The following EPHB1 variants were observed in gnomAD, a reference collection of about 807,000 sequenced individuals.
EPHB1 encodes ephrin type-B receptor 1.
Under a neutral mutation model 94.4 loss-of-function variants are expected in EPHB1, and 30 were observed. The observed-to-expected ratio is 0.32, with a 90% CI of 0.24 to 0.43. EPHB1 has a LOEUF of 0.43. Among genes scored for constraint, EPHB1 ranks in the 20% least tolerant of loss-of-function variants. EPHB1 has a pLI of 1.00. For synonymous variants in EPHB1, 522 were observed against 489.1 expected, an observed-to-expected ratio of 1.07 and a Z score of -0.89; for missense variants, 1,055 against 1,308.3, an observed-to-expected ratio of 0.81 and a Z score of 2.99.
chr3:134,801,616 T>A (rs1433547168), intron 1 of EPHB1, among the ~76,000 whole-genome samples: 1 of 152,352 alleles, frequency 6.6e-6, no homozygotes, highest in South Asian at 2.1e-4. Context: ...GAGCATTCGA[T>A]GTCTGCCCTT....
At chr3:135,244,180 C>T (rs1164256538) in intron 13 of EPHB1, among the ~76,000 whole-genome samples, 1 of 152,154 alleles carries the variant, frequency 6.6e-6, no homozygotes, top group Non-Finnish European at 1.5e-5. Context: ...AACCTGTGTA[C>T]CTACCATTTC....
chr3:135,201,450 A>G lies in EPHB1; in HGVS notation c.2131-24A>G, dbSNP rs370185900. ...AACCATTGAAGCCCGTCTTGATCCC[A>G]ATGCCCTCTATGTCTTATTACAGCA... On this transcript the variant is annotated intron_variant, in intron 11 of 15. Coordinates refer to ENST00000398015, the MANE Select transcript of EPHB1 (RefSeq NM_004441.5). The G allele has an allele frequency of 6.8e-6, 11 of 1,612,670 alleles. No individual in the cohort carries two copies. The African/African-American group carries it at 1.3e-4, about 20-fold the overall frequency.
In EPHB1 at chr3:134,907,864, A is replaced by C. The variant is rs183729828; in HGVS notation, c.59-17952A>C. On this transcript the variant is annotated intron_variant, in intron 1 of 15. Coordinates refer to ENST00000398015, the MANE Select transcript of EPHB1 (RefSeq NM_004441.5). ...AATTGTCTATGTCAGTGTTTGCCCC[A>C]CATGTTCTCCCCTCTCCAGCCTGCT... 7.6e-4 allele frequency among the ~76,000 whole-genome samples: 115 copies of C among 152,282 alleles called. 1 individual carries two copies. The highest frequency in any genetic ancestry group is 2.7e-3 in the African/African-American group (111 of 41,570).
At chr3:135,184,507 G>A (rs981377740) in intron 10 of EPHB1, among the ~76,000 whole-genome samples, 1 of 152,196 alleles carries the variant, frequency 6.6e-6, no homozygotes, top group African/African-American at 2.4e-5. Context: ...GCAAGGGAAT[G>A]TATGTGTTTT....
At chr3:134,839,104 C>A (rs547963698) in intron 1 of EPHB1, among the ~76,000 whole-genome samples, 1 of 152,132 alleles carries the variant, frequency 6.6e-6, no homozygotes, top group African/African-American at 2.4e-5. Flanking sequence ...TCTCAATATA[C>A]GACACAAAAT....
At chr3:135,039,335 C>A (rs1168889136) in intron 3 of EPHB1, among the ~76,000 whole-genome samples, 1 of 152,062 alleles carries the variant, frequency 6.6e-6, no homozygotes, top group Non-Finnish European at 1.5e-5. Context: ...TCCACGTCCC[C>A]ACCAGACTCA....
rs569835679 is a variant in EPHB1 at position 134,924,522 on chromosome 3, A to G, written c.59-1294A>G. 7.2e-5 allele frequency among the ~76,000 whole-genome samples: 11 copies of G among 152,380 alleles called. No homozygotes were observed. The South Asian group carries it at 2.3e-3, about 32-fold the overall frequency. On this transcript the variant is annotated intron_variant, in intron 1 of 15. Transcript: ENST00000398015. ...ATTTGCCAGCAAGGAAATGAAAATT[A>G]GGACCATAATGATATATCACTACAC...
At chr3:134,913,495 A>G (rs1023763262) in intron 1 of EPHB1, among the ~76,000 whole-genome samples, 2 of 152,030 alleles carry the variant, frequency 1.3e-5, no homozygotes, top group South Asian at 4.2e-4. Context: ...CTTTGGGAAA[A>G]CTCAGAGGGA....
intron 15 of EPHB1, among the ~76,000 whole-genome samples, chr3:135,251,305 G>A (rs1422675618): frequency 6.6e-6 from 1 of 152,088 alleles, no homozygotes; most frequent in East Asian, 1.9e-4. Flanking sequence ...AAAAATTGAT[G>A]CCCCTAGATA....
intron 10 of EPHB1, among the ~76,000 whole-genome samples, chr3:135,186,252 G>T (rs1324904894): frequency 6.6e-6 from 1 of 152,200 alleles, no homozygotes; most frequent in African/African-American, 2.4e-5. Context: ...TGTCAAGCAG[G>T]TTCCATCTCA....
At chr3:134,932,320 C>T (rs2038922009) in intron 2 of EPHB1, among the ~76,000 whole-genome samples, 1 of 152,168 alleles carries the variant, frequency 6.6e-6, no homozygotes, top group Non-Finnish European at 1.5e-5. Flanking sequence ...CACTTGGCAG[C>T]CCCTGGCTGT....
chr3:135,227,942 C>T (rs990038796), intron 12 of EPHB1, among the ~76,000 whole-genome samples: 2 of 152,120 alleles, frequency 1.3e-5, no homozygotes, highest in Admixed American at 6.6e-5. Flanking sequence ...CATACATCAT[C>T]GCTCTTTATT....
intron 1 of EPHB1, among the ~76,000 whole-genome samples, chr3:134,896,883 A>C (rs1362624231): frequency 6.6e-6 from 1 of 152,194 alleles, no homozygotes; most frequent in African/African-American, 2.4e-5. Context: ...GGGTGAGCCT[A>C]GTGGCTCTGC....
chr3:134,880,386 T>C (rs59482766), intron 1 of EPHB1, among the ~76,000 whole-genome samples: 9,768 of 152,250 alleles, frequency 0.064, 1,006 homozygotes, highest in African/African-American at 0.22. Context: ...GCTGGTTTGA[T>C]GACTCCATAC....
intron 1 of EPHB1, among the ~76,000 whole-genome samples, chr3:134,881,027 T>G (rs2037720083): frequency 6.6e-6 from 1 of 152,050 alleles, no homozygotes; most frequent in South Asian, 2.1e-4. Flanking sequence ...AGATCAAGGA[T>G]AGTAGAGGGG....
Position 134,833,461 on chromosome 3 carries a change from G to A in EPHB1, c.58+37772G>A, listed in dbSNP as rs115320363. On this transcript the variant is annotated intron_variant, in intron 1 of 15. Coordinates refer to ENST00000398015, the MANE Select transcript of EPHB1 (RefSeq NM_004441.5). ...CTAAAGGGTGGTTAGGTTTTATGGC[G>A]TGATTGGTTCAGGATAGTAAACTTT... is the stretch of plus-strand genomic sequence containing the variant. Among the ~76,000 whole-genome samples, 878 of 152,324 alleles carry A rather than the reference G, an allele frequency of 5.8e-3. 9 individuals carry two copies. The highest frequency in any genetic ancestry group is 0.02 in the African/African-American group (838 of 41,560).
intron 3 of EPHB1, among the ~76,000 whole-genome samples, chr3:134,987,985 A>G (rs76755315): frequency 6.8e-4 from 103 of 152,202 alleles, no homozygotes; most frequent in African/African-American, 1.7e-3. Flanking sequence ...CAACAGCCCT[A>G]TGGGTATATA....
chr3:134,953,621 G>T (rs945587558), intron 3 of EPHB1, among the ~76,000 whole-genome samples: 1 of 152,196 alleles, frequency 6.6e-6, no homozygotes, highest in African/African-American at 2.4e-5. Context: ...TTGCAGCAGC[G>T]CATGGTGGGT....
At chr3:134,824,125 CTTTTT>C (rs373504139) in intron 1 of EPHB1, among the ~76,000 whole-genome samples, 3 of 100,754 alleles carry the variant, frequency 3.0e-5, no homozygotes, top group Non-Finnish European at 4.1e-5. Context: ...GGATAATGCC[CTTTTT>C]TTTTTTTTTT....
Sources: allele counts gnomAD v4.1 joint callset (sites outside exome capture counted in the v4.1 genomes callset), GRCh38; gene constraint gnomAD v4.1.1; transcripts MANE v1.5; gene names NCBI Gene and HGNC (gene_info 2026-07-23, HGNC 2026-07-21).